Variants in RALGAPB observed in about 807,000 individuals in gnomAD.
RALGAPB encodes ral GTPase-activating protein subunit beta.
Under a neutral mutation model 161.1 loss-of-function variants are expected in RALGAPB, and 25 were observed. The observed-to-expected ratio is 0.16, with a 90% CI of 0.11 to 0.22. The LOEUF (loss-of-function observed/expected upper bound fraction) is 0.22, where lower values mean the gene tolerates loss of function less well. Ranked by LOEUF, RALGAPB falls within the 10% of genes least tolerant of loss-of-function variation. The pLI is 1.00. For synonymous variants in RALGAPB, 629 were observed against 626.1 expected (o/e 1.00, Z -0.07); for missense variants, 1,391 against 1,815.2 (o/e 0.77, Z 4.25).
At chr20:38,498,670 A>G (rs2085496749) in intron 4 of RALGAPB, among the ~76,000 whole-genome samples, 1 of 152,228 alleles carries the variant, frequency 6.6e-6, no homozygotes. Context: ...TGAAACACAC[A>G]TTCTTACAAC....
Position 38,558,464 on chromosome 20 carries a change from C to G in RALGAPB, c.3531+11C>G. The G allele has an allele frequency of 6.5e-7, 1 of 1,538,772 alleles. No individual in the cohort carries two copies. The highest frequency in any genetic ancestry group is 1.2e-5 in the South Asian group (1 of 80,400). On this transcript the variant is annotated intron_variant, in intron 23 of 29. Transcript: ENST00000262879. The stretch of plus-strand genomic sequence containing the variant: ...AAAACGAACCAAGAGGTAAGAGTTA[C>G]GAATTTTTTTTTTTTGGTATGTTTT...
chr20:38,503,355 G>A (rs182037396), intron 5 of RALGAPB, among the ~76,000 whole-genome samples: 1 of 152,238 alleles, frequency 6.6e-6, no homozygotes, highest in East Asian at 1.9e-4. Flanking sequence ...CATTCTGTAA[G>A]GTTATAGCTA....
At chr20:38,492,884 G>T (rs1164527868) in intron 2 of RALGAPB, 46 bp from the exon 3 acceptor site, 9 of 1,472,302 alleles carry the variant, frequency 6.1e-6, no homozygotes, top group Non-Finnish European at 8.5e-6. Context: ...AGTCTACTGA[G>T]ATAGGAACGT....
At chr20:38,530,303 A>C (rs6100086) in intron 13 of RALGAPB, among the ~76,000 whole-genome samples, 11,106 of 152,246 alleles carry the variant, frequency 0.073, 1,415 homozygotes, top group African/African-American at 0.25. Flanking sequence ...TACTACAGCT[A>C]ATTTTATACA....
At chr20:38,491,294 C>T (rs2085271639) in intron 2 of RALGAPB, among the ~76,000 whole-genome samples, 1 of 151,366 alleles carries the variant, frequency 6.6e-6, no homozygotes, top group African/African-American at 2.4e-5. Context: ...TCCTTTTTAG[C>T]TTTGTGGTAT....
At chr20:38,567,785 A>C (rs1003355173) in intron 26 of RALGAPB, among the ~76,000 whole-genome samples, 1 of 152,184 alleles carries the variant, frequency 6.6e-6, no homozygotes, top group Non-Finnish European at 1.5e-5. Flanking sequence ...AAACATAACA[A>C]AGACAGAAGT....
At chr20:38,480,761 G>A (rs805543) in intron 1 of RALGAPB, among the ~76,000 whole-genome samples, 7,750 of 93,714 alleles carry the variant, frequency 0.083, 441 homozygotes, top group African/African-American at 0.2. Flanking sequence ...TTTTTGAGAC[G>A]GAGTCTCGCT....
intron 10 of RALGAPB, among the ~76,000 whole-genome samples, chr20:38,523,285 T>A (rs2086351538): frequency 6.6e-6 from 1 of 152,222 alleles, no homozygotes; most frequent in Non-Finnish European, 1.5e-5. Flanking sequence ...TCTGGTCTAG[T>A]CAGCTACAGT....
chr20:38,526,916 C>T (rs1489684987), intron 13 of RALGAPB, among the ~76,000 whole-genome samples: 1 of 152,174 alleles, frequency 6.6e-6, no homozygotes, highest in African/African-American at 2.4e-5. Context: ...GTTGTTGCTT[C>T]TGTGTCTCAG....
intron 16 of RALGAPB, among the ~76,000 whole-genome samples, chr20:38,536,779 A>T (rs1343995382): frequency 6.6e-6 from 1 of 152,152 alleles, no homozygotes; most frequent in East Asian, 1.9e-4. Flanking sequence ...CAGTTATGGG[A>T]ATAGTTGTCA....
At chr20:38,554,146 T>A (rs2087493601) in intron 22 of RALGAPB, 70 bp downstream of exon 22, 1 of 1,370,576 alleles carries the variant, frequency 7.3e-7, no homozygotes, top group African/African-American at 1.5e-5. Context: ...AGCTAAAATA[T>A]TTTTATCAGG....
rs1384047195 is a variant in RALGAPB, at chr20:38,578,362, T to C, written c.*3395T>C. ...GTGTGTTTCTCAGAATATCAACTCA[T>C]GTTCTTCAGATGCTTTTCTTTTTTT... On this transcript the variant is annotated 3_prime_UTR_variant, in exon 30 of 30. Coordinates refer to ENST00000262879, the MANE Select transcript of RALGAPB (RefSeq NM_020336.4). The C allele has an allele frequency of 6.6e-6, 1 of 152,346 alleles. No homozygotes were observed. Among genetic ancestry groups the C allele is most frequent in the African/African-American group, 2.4e-5 (1 of 41,460 alleles). The allele number at this position is 152,346 out of a possible 1,614,324, so 9.4% of individuals were successfully genotyped here. A position where few individuals can be genotyped will look rare whatever the true frequency, so the allele number is the denominator to read the frequency against.
chr20:38,568,006 A>C (rs1237638932), intron 26 of RALGAPB, among the ~76,000 whole-genome samples: 1 of 152,246 alleles, frequency 6.6e-6, no homozygotes, highest in East Asian at 1.9e-4. Context: ...AAGGTTTTAC[A>C]GAATACAGTT....
At chr20:38,504,626 A>G (rs1215801041) in intron 5 of RALGAPB, among the ~76,000 whole-genome samples, 3 of 152,214 alleles carry the variant, frequency 2.0e-5, no homozygotes, top group African/African-American at 4.8e-5. Flanking sequence ...GAAACTATCA[A>G]CAGAGTAAAT....
chr20:38,491,842 T>A (rs2085289615), intron 2 of RALGAPB, among the ~76,000 whole-genome samples: 1 of 152,210 alleles, frequency 6.6e-6, no homozygotes, highest in Non-Finnish European at 1.5e-5. Context: ...AATAAAGGAA[T>A]GAAGCTCATT....
In RALGAPB at chr20:38,516,235, C is replaced by A. The variant is rs756096067; in HGVS notation, c.916C>A (p.Pro306Thr). ...TAACCCAGCTATTATAAGCTCTACT[C>A]CCAAATTTCAGGAACAGTTCTTGAA... ...LSNPAIISST[P>T]KFQEQFLNVS... The change falls in exon 7 of 30, where the codon CCC (proline) becomes ACC (threonine). Residue 306 changes from proline to threonine, a missense_variant. By Grantham distance (38) the Pro-to-Thr change is conservative. Around this residue, in one of 3 missense-constraint regions of RALGAPB, gnomAD observed 946 missense variants for 1,257.2 expected, o/e 0.75. Coordinates refer to ENST00000262879, the MANE Select transcript of RALGAPB (RefSeq NM_020336.4). 1 of 1,612,492 alleles carries A rather than the reference C, an allele frequency of 6.2e-7. No homozygotes were observed. The highest frequency in any genetic ancestry group is 8.5e-7 in the Non-Finnish European group (1 of 1,178,974).
chr20:38,519,173 C>T (rs905370683), intron 9 of RALGAPB, among the ~76,000 whole-genome samples: 1 of 152,094 alleles, frequency 6.6e-6, no homozygotes, highest in African/African-American at 2.4e-5. Flanking sequence ...AATTCAGACA[C>T]TTTATATTCT....
At chr20:38,536,498 T>A (rs988469291) in intron 16 of RALGAPB, among the ~76,000 whole-genome samples, 4 of 152,182 alleles carry the variant, frequency 2.6e-5, no homozygotes, top group Non-Finnish European at 5.9e-5. Context: ...AGGAGCAGAA[T>A]TACTGGGTCA....
chr20:38,574,396 A>G, intron 29 of RALGAPB, 98 bp downstream of exon 29: 1 of 1,336,748 alleles, frequency 7.5e-7, no homozygotes, highest in Non-Finnish European at 1.0e-6. Flanking sequence ...GTGATAATTA[A>G]TAGCTTCCAC....
Sources: allele counts gnomAD v4.1 joint callset (sites outside exome capture counted in the v4.1 genomes callset), GRCh38; gene constraint gnomAD v4.1.1; regional missense constraint gnomAD v4.1.1; transcripts MANE v1.5; gene names NCBI Gene and HGNC (gene_info 2026-07-23, HGNC 2026-07-21).